The following ENKUR variants were observed in gnomAD, a reference collection of about 807,000 sequenced individuals.
The protein encoded by ENKUR is enkurin, TRPC channel interacting protein, also known as enkurin.
ENKUR carries 19 observed loss-of-function variants against 27.6 expected under a neutral mutation model. The observed-to-expected ratio is 0.69, with a 90% CI of 0.48 to 1.01. The LOEUF (loss-of-function observed/expected upper bound fraction) is 1.01. ENKUR is among the 50% of genes least tolerant of loss of function. The probability of loss-of-function intolerance (pLI) is 0.00; values close to 1 mark genes in which losing one functional copy is unlikely to be tolerated. For synonymous variants in ENKUR, 117 were observed against 96.9 expected, an observed-to-expected ratio of 1.21 and a Z score of -1.22; for missense variants, 312 against 310.5, an observed-to-expected ratio of 1.00 and a Z score of -0.04.
intron 2 of ENKUR, chr10:25,023,650 T>C (rs148198428): frequency 2.5e-6 from 4 of 1,614,174 alleles, no homozygotes; most frequent in Non-Finnish European, 3.4e-6. Context: ...TGCTAGCATG[T>C]GGCATCTGAA....
At chr10:24,986,224 G>A (rs956908238) in intron 4 of ENKUR, among the ~76,000 whole-genome samples, 8 of 152,172 alleles carry the variant, frequency 5.3e-5, no homozygotes, top group Non-Finnish European at 1.2e-4. Context: ...ATTTAATCTT[G>A]TAGAAACTTT....
chr10:25,030,366 A>G (rs1241413130), intron 2 of ENKUR, among the ~76,000 whole-genome samples: 1 of 152,162 alleles, frequency 6.6e-6, no homozygotes, highest in African/African-American at 2.4e-5. Context: ...TTTGCTGTGT[A>G]TAGACTAGAT....
chr10:25,009,228 A>G (rs906828781), intron 1 of ENKUR, among the ~76,000 whole-genome samples: 2 of 152,004 alleles, frequency 1.3e-5, no homozygotes, highest in Non-Finnish European at 2.9e-5. Context: ...CACATTGTGC[A>G]TATGTACCCT....
chr10:25,025,446 A>C, intron 2 of ENKUR: 1 of 1,599,608 alleles, frequency 6.3e-7, no homozygotes, highest in Non-Finnish European at 8.5e-7. Flanking sequence ...TCCAAAATCA[A>C]TTCATATGAA....
At chr10:25,009,276 A>C (rs1850386134) in intron 1 of ENKUR, among the ~76,000 whole-genome samples, 1 of 152,078 alleles carries the variant, frequency 6.6e-6, no homozygotes, top group East Asian at 1.9e-4. Flanking sequence ...GTATGCATGC[A>C]GAAATTCTAC....
chr10:25,052,675 G>C (rs1354126769), intron 2 of ENKUR, among the ~76,000 whole-genome samples: 1 of 152,144 alleles, frequency 6.6e-6, no homozygotes, highest in Non-Finnish European at 1.5e-5. Flanking sequence ...AGGAGGCTGA[G>C]GCAGGAGGAT....
intron 2 of ENKUR, among the ~76,000 whole-genome samples, chr10:25,042,082 A>G (rs1851070607): frequency 6.6e-6 from 1 of 152,146 alleles, no homozygotes; most frequent in South Asian, 2.1e-4. Context: ...ACAGTTATGT[A>G]AGAGAAAGCC....
chr10:25,055,151 C>T (rs537189762), intron 2 of ENKUR, among the ~76,000 whole-genome samples: 1 of 152,260 alleles, frequency 6.6e-6, no homozygotes, highest in Admixed American at 6.5e-5. Context: ...CATTTCCCCC[C>T]ACTAAAATCA....
In ENKUR at chr10:24,990,425, A is replaced by G. The variant is rs79498169; in HGVS notation, c.594+38T>C. ...TACACCTTTCTTTCAGAGATGATCC[A>G]AAGAGTTACAGATGAATGTAAATGG... On this transcript the variant is annotated intron_variant, in intron 4 of 5. Transcript: ENST00000331161. The G allele has an allele frequency of 1.1e-3, 1,719 of 1,581,236 alleles. 30 individuals carry two copies. The East Asian group carries it at 0.031, about 28-fold the overall frequency.
chr10:25,049,581 G>A (rs1162730745), intron 2 of ENKUR, among the ~76,000 whole-genome samples: 3 of 151,814 alleles, frequency 2.0e-5, no homozygotes, highest in African/African-American at 7.3e-5. Flanking sequence ...TGAGGTCAGG[G>A]GTTCGAGACC....
chr10:24,989,671 G>A (rs1343724225), intron 4 of ENKUR, among the ~76,000 whole-genome samples: 1 of 152,144 alleles, frequency 6.6e-6, no homozygotes, highest in Non-Finnish European at 1.5e-5. Context: ...TGATGACATT[G>A]ATAAAATGTT....
chr10:24,990,696 G>C (rs1283525311), intron 3 of ENKUR, 87 bp from the exon 4 acceptor site: 7 of 1,305,904 alleles, frequency 5.4e-6, no homozygotes, highest in Non-Finnish European at 7.3e-6. Flanking sequence ...GGAAGAAAAA[G>C]AAATGGTACA....
chr10:24,994,352 G>C (rs984741116), intron 3 of ENKUR, among the ~76,000 whole-genome samples: 2 of 64,290 alleles, frequency 3.1e-5, no homozygotes, highest in Non-Finnish European at 6.2e-5. Flanking sequence ...TTTTTTTTTT[G>C]ACACCGAGTC....
intron 1 of ENKUR, among the ~76,000 whole-genome samples, chr10:25,008,172 C>A (rs562673408): frequency 6.6e-5 from 10 of 152,124 alleles, no homozygotes; most frequent in African/African-American, 2.4e-4. Context: ...AAAATAGCTT[C>A]TAACACTACT....
intron 4 of ENKUR, 57 bp from the exon 5 acceptor site, chr10:24,984,962 T>C (rs1849750088): frequency 3.8e-6 from 5 of 1,322,264 alleles, no homozygotes; most frequent in Non-Finnish European, 4.3e-6. Context: ...GTAAAGGAAA[T>C]GGGAAAAGCT....
chr10:25,022,577 C>T (rs1240733492), intron 2 of ENKUR, among the ~76,000 whole-genome samples: 1 of 152,146 alleles, frequency 6.6e-6, no homozygotes, highest in Non-Finnish European at 1.5e-5. Flanking sequence ...ATACCTTTGT[C>T]CTGTAGTTTG....
intron 4 of ENKUR, among the ~76,000 whole-genome samples, chr10:24,987,204 G>A (rs1267098817): frequency 1.3e-5 from 2 of 152,188 alleles, no homozygotes; most frequent in East Asian, 3.8e-4. Flanking sequence ...AGCTCTCACT[G>A]GATTCTGACA....
chr10:24,984,856 G>A lies in ENKUR; in HGVS notation c.644C>T (p.Ser215Leu), dbSNP rs1031366065. Residue 215 changes from serine (S) to leucine (L), a missense_variant, in exon 5 of 6, where the codon TCG becomes TTG. Ser to Leu is a moderately radical substitution (Grantham distance 145, BLOSUM62 -2). Transcript: ENST00000331161. ...CTTTGGTATAGAATCTATAAAGACC[G>A]AGAGGGACTGGAATTCTTTATGCAC... ...EEVHKEFQSL[S>L]VFIDSIPKKI... The A allele has an allele frequency of 1.2e-5, 19 of 1,613,358 alleles. No homozygotes were observed. The highest frequency in any genetic ancestry group is 2.2e-5 in the East Asian group (1 of 44,866).
At chr10:24,997,000 C>A (rs904948638) in intron 2 of ENKUR, among the ~76,000 whole-genome samples, 1 of 152,106 alleles carries the variant, frequency 6.6e-6, no homozygotes, top group Non-Finnish European at 1.5e-5. Flanking sequence ...AGGAAGAACA[C>A]GTAAAGATAC....
Sources: gnomAD v4.1 joint callset for allele counts (sites outside exome capture counted in the v4.1 genomes callset) on GRCh38, gnomAD v4.1.1 for gene constraint, MANE v1.5 for transcripts, NCBI Gene and HGNC (gene_info 2026-07-23, HGNC 2026-07-21) for gene names.